TMEM164: variants seen among roughly 807,000 people sequenced by gnomAD.
TMEM164 encodes transmembrane protein 164.
Under a neutral mutation model 18.8 loss-of-function variants are expected in TMEM164, and 4 were observed. The ratio of observed to expected loss-of-function variants is 0.21; its 90% confidence interval spans 0.10 to 0.49. The LOEUF (loss-of-function observed/expected upper bound fraction) is 0.49, where lower values mean the gene tolerates loss of function less well. Ranked by LOEUF, TMEM164 falls within the 20% of genes least tolerant of loss-of-function variation. The probability of loss-of-function intolerance (pLI) is 0.98; values close to 1 mark genes in which losing one functional copy is unlikely to be tolerated. For synonymous variants in TMEM164, 86 were observed against 101.7 expected (o/e 0.85, Z 0.93); for missense variants, 108 against 239.9 (o/e 0.45, Z 3.63).
upstream of TMEM164, among the ~76,000 whole-genome samples, chrX:110,002,415 G>A (rs753056704): frequency 2.7e-5 from 3 of 110,592 alleles, no homozygotes; most frequent in Admixed American, 1.9e-4. Flanking sequence ...GGAGGAGGGA[G>A]GAGGAGGAGG....
intron 6 of TMEM164, 119 bp from the exon 7 acceptor site, chrX:110,173,126 T>G (rs1380498316): frequency 2.9e-6 from 2 of 682,880 alleles, no homozygotes; most frequent in Non-Finnish European, 4.5e-6. Context: ...TATAAACAGG[T>G]GGGGATTGGT....
chrX:110,135,058 A>G, intron 4 of TMEM164, among the ~76,000 whole-genome samples: 1 of 31,916 alleles, frequency 3.1e-5, no homozygotes, highest in Non-Finnish European at 6.1e-5. Context: ...TTCATTTGTT[A>G]TAAAAAATAT....
At chrX:110,181,184 C>G (rs1262396965), downstream of TMEM164, among the ~76,000 whole-genome samples, 1 of 112,216 alleles carries the variant, frequency 8.9e-6, no homozygotes, top group South Asian at 3.8e-4. Context: ...TTTCAAGTTT[C>G]CAGGCCGGTT....
intron 4 of TMEM164, among the ~76,000 whole-genome samples, chrX:110,140,074 G>T (rs935292091): frequency 1.3e-4 from 15 of 111,578 alleles, no homozygotes; most frequent in African/African-American, 2.3e-4. Context: ...ATACCGCAGA[G>T]ATTTTGACAA....
At chrX:110,180,351 C>T (rs533608528), downstream of TMEM164, among the ~76,000 whole-genome samples, 1 of 112,468 alleles carries the variant, frequency 8.9e-6, no homozygotes. Context: ...TTTGCCAGTG[C>T]CAGTGGAGGA....
At chrX:110,070,006 C>T (rs1030424780) in intron 3 of TMEM164, among the ~76,000 whole-genome samples, 5 of 111,813 alleles carry the variant, frequency 4.5e-5, no homozygotes, top group African/African-American at 1.6e-4. Flanking sequence ...TATTTGATTA[C>T]ATTAGGCTTT....
chrX:110,010,099 A>G (rs1298049455), intron 2 of TMEM164, among the ~76,000 whole-genome samples: 1 of 112,112 alleles, frequency 8.9e-6, no homozygotes, highest in Non-Finnish European at 1.9e-5. Flanking sequence ...ATCACAAAGA[A>G]TGGTTATTAG....
intron 5 of TMEM164, among the ~76,000 whole-genome samples, chrX:110,159,361 G>A (rs907334309): frequency 1.8e-5 from 2 of 110,892 alleles, no homozygotes; most frequent in African/African-American, 3.3e-5. Context: ...GTCACGAGGA[G>A]GTCTAGGGGC....
intron 2 of TMEM164, among the ~76,000 whole-genome samples, chrX:110,027,697 T>C (rs756696974): frequency 9.1e-6 from 1 of 109,738 alleles, no homozygotes; most frequent in African/African-American, 3.3e-5. Context: ...GAGGTGGAGA[T>C]TGCAGTGAGC....
intron 5 of TMEM164, among the ~76,000 whole-genome samples, chrX:110,153,269 G>C (rs2066969565): frequency 8.9e-6 from 1 of 111,994 alleles, no homozygotes; most frequent in African/African-American, 3.2e-5. Context: ...GTCTCCCTGA[G>C]GACAGGAATT....
intron 2 of TMEM164, among the ~76,000 whole-genome samples, chrX:110,014,924 G>C (rs1455619716): frequency 9.1e-6 from 1 of 110,094 alleles, no homozygotes; most frequent in Middle Eastern, 4.7e-3. Flanking sequence ...TGAAGGAGAA[G>C]CACAGTATAG....
chrX:110,016,693 G>A (rs189315575), intron 2 of TMEM164, among the ~76,000 whole-genome samples: 4 of 108,632 alleles, frequency 3.7e-5, no homozygotes. Flanking sequence ...GTCTTGCTCT[G>A]TTGCTCAGGC....
At chrX:110,104,481 T>G (rs747158217) in intron 3 of TMEM164, among the ~76,000 whole-genome samples, 2 of 112,017 alleles carry the variant, frequency 1.8e-5, no homozygotes, top group Non-Finnish European at 3.8e-5. Flanking sequence ...CAAAGTGCAC[T>G]AGTCATGCTG....
chrX:110,068,764 A>G (rs950882200), intron 3 of TMEM164, among the ~76,000 whole-genome samples: 4 of 110,026 alleles, frequency 3.6e-5, no homozygotes, highest in Non-Finnish European at 7.6e-5. Flanking sequence ...ACCTTTCCAC[A>G]CTATCCCTTT....
intron 3 of TMEM164, among the ~76,000 whole-genome samples, chrX:110,076,991 T>A (rs984921354): frequency 3.6e-5 from 4 of 112,267 alleles, no homozygotes; most frequent in Non-Finnish European, 7.5e-5. Context: ...AACTGTCAAA[T>A]TTAAGTCCAG....
chrX:110,176,262 C>T lies in TMEM164; in HGVS notation c.*2811C>T. On this transcript the variant is annotated 3_prime_UTR_variant, in exon 7 of 7. Transcript: ENST00000372068. ...GGAGCTGGCCAACTTGTGGCATCCA[C>T]TCCAAATAGCAGAGACCCAGTCACG... 2.6e-6 allele frequency: 2 copies of T among 756,626 alleles called. No individual in the cohort carries two copies. The highest frequency in any genetic ancestry group is 3.1e-6 in the Non-Finnish European group (2 of 639,643). The allele number at this position is 756,626 out of a possible 1,213,427, so 62.4% of individuals were successfully genotyped here.
At chrX:110,093,565 A>T (rs192542583) in intron 3 of TMEM164, among the ~76,000 whole-genome samples, 1 of 110,593 alleles carries the variant, frequency 9.0e-6, no homozygotes, top group East Asian at 2.8e-4. Flanking sequence ...TGTATATTTG[A>T]TTCTTCTCTC....
At chrX:110,070,727 C>A (rs1442373688) in intron 3 of TMEM164, among the ~76,000 whole-genome samples, 5 of 109,478 alleles carry the variant, frequency 4.6e-5, no homozygotes, top group East Asian at 2.9e-4. Flanking sequence ...TCTAACCCCC[C>A]ACCAAAAAAA....
At chrX:110,046,550 C>A in intron 2 of TMEM164, 1 of 682,707 alleles carries the variant, frequency 1.5e-6, no homozygotes, top group Non-Finnish European at 1.7e-6. Flanking sequence ...TACTTTTATA[C>A]CTTCTTTCTG....
Sources: gnomAD v4.1 joint callset for allele counts (sites outside exome capture counted in the v4.1 genomes callset) on GRCh38, gnomAD v4.1.1 for gene constraint, MANE v1.5 for transcripts, NCBI Gene and HGNC (gene_info 2026-07-23, HGNC 2026-07-21) for gene names.